PSD3: variants seen among roughly 807,000 people sequenced by gnomAD.
PSD3 encodes the protein PH and SEC7 domain-containing protein 3.
Under a neutral mutation model 105.5 loss-of-function variants are expected in PSD3, and 49 were observed. That is an observed-to-expected ratio of 0.46 (90% CI 0.37 to 0.59). PSD3 has a LOEUF of 0.59. Among genes scored for constraint, PSD3 ranks in the 20% least tolerant of loss-of-function variants. The pLI, the probability that PSD3 is intolerant of heterozygous loss-of-function variation, is 0.00. For synonymous variants in PSD3, 557 were observed against 457.8 expected (o/e 1.22, Z -2.77); for missense variants, 1,561 against 1,263.8 (o/e 1.24, Z -3.57).
At chr8:19,022,118 T>A (rs1319193425) in intron 1 of PSD3, among the ~76,000 whole-genome samples, 1 of 152,000 alleles carries the variant, frequency 6.6e-6, no homozygotes, top group East Asian at 1.9e-4. Context: ...ACCCCACTTT[T>A]TAAAACAACC....
At chr8:18,909,838 G>A (rs993498176) in intron 2 of PSD3, among the ~76,000 whole-genome samples, 2 of 152,156 alleles carry the variant, frequency 1.3e-5, no homozygotes, top group African/African-American at 2.4e-5. Context: ...AACAGAAATT[G>A]TAATTTATGT....
intron 2 of PSD3, among the ~76,000 whole-genome samples, chr8:18,899,303 A>G (rs1819349699): frequency 6.6e-6 from 1 of 152,080 alleles, no homozygotes; most frequent in African/African-American, 2.4e-5. Flanking sequence ...TATCTACAAT[A>G]TCTTGTCATG....
chr8:18,970,783 T>A (rs1824600242), intron 1 of PSD3, among the ~76,000 whole-genome samples: 1 of 151,984 alleles, frequency 6.6e-6, no homozygotes, highest in African/African-American at 2.4e-5. Flanking sequence ...GGTGAAACCC[T>A]GTCTCTACTA....
At chr8:18,719,439 A>T (rs1483248250) in intron 9 of PSD3, among the ~76,000 whole-genome samples, 1 of 152,238 alleles carries the variant, frequency 6.6e-6, no homozygotes, top group Non-Finnish European at 1.5e-5. Flanking sequence ...GAAGCAAAAG[A>T]CAGGTCAAGG....
intron 1 of PSD3, among the ~76,000 whole-genome samples, chr8:18,956,721 A>G (rs1823594277): frequency 6.6e-6 from 1 of 152,188 alleles, no homozygotes; most frequent in Non-Finnish European, 1.5e-5. Context: ...CTATTTTAGC[A>G]AAGTTTCAGT....
At chr8:18,565,000 T>C (rs1008538884) in intron 14 of PSD3, among the ~76,000 whole-genome samples, 1 of 152,068 alleles carries the variant, frequency 6.6e-6, no homozygotes, top group African/African-American at 2.4e-5. Flanking sequence ...GAAATGAAGA[T>C]GTCCTGGGGC....
At chr8:18,743,944 T>A (rs1804779368) in intron 9 of PSD3, among the ~76,000 whole-genome samples, 1 of 131,422 alleles carries the variant, frequency 7.6e-6, no homozygotes, top group Admixed American at 8.1e-5. Context: ...TGGGTGAAAG[T>A]GCAAACTCTG....
chr8:19,068,400 C>T (rs756100808), intron 1 of PSD3, among the ~76,000 whole-genome samples: 29 of 151,982 alleles, frequency 1.9e-4, no homozygotes, highest in Non-Finnish European at 3.5e-4. Flanking sequence ...AGAGATCCTC[C>T]TGCCCCAGCC....
intron 4 of PSD3, among the ~76,000 whole-genome samples, chr8:18,815,652 A>G (rs1180429330): frequency 6.6e-6 from 1 of 152,134 alleles, no homozygotes; most frequent in Admixed American, 6.5e-5. Flanking sequence ...AGTGTCCTAT[A>G]GCACAGGCGT....
chr8:18,979,152 G>A (rs1263592327), intron 1 of PSD3, among the ~76,000 whole-genome samples: 1 of 150,902 alleles, frequency 6.6e-6, no homozygotes, highest in Non-Finnish European at 1.5e-5. Flanking sequence ...GTCACTAAAC[G>A]GGAAACCACC....
chr8:18,770,805 A>G (rs1807449435), intron 8 of PSD3, among the ~76,000 whole-genome samples: 1 of 152,228 alleles, frequency 6.6e-6, no homozygotes, highest in African/African-American at 2.4e-5. Context: ...TTCTGCCAGC[A>G]AGGGCAAAGG....
intron 4 of PSD3, among the ~76,000 whole-genome samples, chr8:18,836,180 G>A (rs1246377631): frequency 6.6e-6 from 1 of 152,068 alleles, no homozygotes; most frequent in South Asian, 2.1e-4. Context: ...GCATTTAATG[G>A]GCTTTCAAAG....
chr8:18,762,290 C>T (rs775323665), intron 9 of PSD3, among the ~76,000 whole-genome samples: 2 of 152,214 alleles, frequency 1.3e-5, no homozygotes, highest in East Asian at 1.9e-4. Context: ...CCTCCTGCTC[C>T]GGCCACTTAA....
chr8:18,989,103 A>T (rs911606854), intron 1 of PSD3, among the ~76,000 whole-genome samples: 1 of 152,228 alleles, frequency 6.6e-6, no homozygotes, highest in Non-Finnish European at 1.5e-5. Flanking sequence ...TGAAGAAATA[A>T]ATAGCATGCC....
At chr8:18,741,834 G>T (rs1356250314) in intron 9 of PSD3, among the ~76,000 whole-genome samples, 2 of 142,694 alleles carry the variant, frequency 1.4e-5, no homozygotes, top group Non-Finnish European at 3.0e-5. Context: ...ATGCCATATG[G>T]TTACCAACAA....
At chr8:18,844,879 G>A (rs934419997) in intron 4 of PSD3, among the ~76,000 whole-genome samples, 2 of 152,146 alleles carry the variant, frequency 1.3e-5, no homozygotes, top group Non-Finnish European at 2.9e-5. Flanking sequence ...CATCACTACA[G>A]CGCTGGGATC....
At chr8:18,717,986 G>A (rs992364991) in intron 9 of PSD3, among the ~76,000 whole-genome samples, 5 of 152,078 alleles carry the variant, frequency 3.3e-5, no homozygotes, top group Non-Finnish European at 7.4e-5. Context: ...GGCACCCAGC[G>A]GCCTGCCTCT....
At chr8:18,820,608 A>G (rs1314899002) in intron 4 of PSD3, among the ~76,000 whole-genome samples, 2 of 152,200 alleles carry the variant, frequency 1.3e-5, no homozygotes, top group African/African-American at 4.8e-5. Flanking sequence ...AATAATGACA[A>G]GAAAAAAATA....
rs944037004 is a variant in PSD3 at position 18,532,408 on chromosome 8, C to T, written c.*3335G>A. The stretch of plus-strand genomic sequence containing the variant: ...ATGTCACTTTTGCCCAGGGGCCAGT[C>T]CTCATTTTCTAGATTAGGATAACAG... On this transcript the variant is annotated 3_prime_UTR_variant, in exon 16 of 16. Coordinates refer to ENST00000327040, the MANE Select transcript of PSD3 (RefSeq NM_015310.4). 1.3e-5 allele frequency: 2 copies of T among 152,166 alleles called. No individual in the cohort carries two copies. The allele number at this position is 152,166 out of a possible 1,614,324, so 9.4% of individuals were successfully genotyped here.
Sources: gnomAD v4.1 joint callset for allele counts (sites outside exome capture counted in the v4.1 genomes callset) on GRCh38, gnomAD v4.1.1 for gene constraint, MANE v1.5 for transcripts, NCBI Gene and HGNC (gene_info 2026-07-23, HGNC 2026-07-21) for gene names.